The following GPC6 variants were observed in gnomAD, a reference collection of about 807,000 sequenced individuals.
The protein encoded by GPC6 is glypican 6.
A neutral mutation model predicts 55.2 loss-of-function variants in GPC6; 14 were observed. The ratio of observed to expected loss-of-function variants is 0.25; its 90% CI spans 0.17 to 0.40. The LOEUF (loss-of-function observed/expected upper bound fraction) is 0.40, where lower values mean the gene tolerates loss of function less well. Among genes scored for constraint, GPC6 ranks in the 10% least tolerant of loss-of-function variants. GPC6 has a pLI of 1.00. For missense variants in GPC6, 641 were observed against 708.5 expected, an observed-to-expected ratio of 0.90 and a Z score of 1.08; for synonymous variants, 278 against 259.6, an observed-to-expected ratio of 1.07 and a Z score of -0.68.
intron 3 of GPC6, among the ~76,000 whole-genome samples, chr13:93,928,321 G>A (rs1050888770): frequency 3.3e-5 from 5 of 152,164 alleles, no homozygotes; most frequent in Admixed American, 2.0e-4. Flanking sequence ...TTCAACTACA[G>A]TCCATATCTT....
chr13:93,572,083 C>T (rs1190494083), intron 2 of GPC6, among the ~76,000 whole-genome samples: 12 of 152,274 alleles, frequency 7.9e-5, no homozygotes, highest in African/African-American at 2.9e-4. Context: ...CCTCCTTTCA[C>T]TGGCTCACTG....
At chr13:93,886,749 A>ATTTTTTTTTTTTTT (rs34726181) in intron 3 of GPC6, among the ~76,000 whole-genome samples, 5 of 135,334 alleles carry the variant, frequency 3.7e-5, no homozygotes, top group Admixed American at 7.4e-5. Context: ...AGCATCTGTC[A>ATTTTTTTTTTTTTT]TTTTTTTTTT....
At chr13:93,842,777 C>A (rs1362737847) in intron 3 of GPC6, among the ~76,000 whole-genome samples, 1 of 151,828 alleles carries the variant, frequency 6.6e-6, no homozygotes, top group Admixed American at 6.6e-5. Flanking sequence ...AAATAAGTCA[C>A]CAGGATATTT....
chr13:93,630,508 A>T (rs1185837274), intron 2 of GPC6, among the ~76,000 whole-genome samples: 1 of 152,194 alleles, frequency 6.6e-6, no homozygotes, highest in Non-Finnish European at 1.5e-5. Flanking sequence ...CTGGCAATGA[A>T]GTAACTTCCA....
intron 1 of GPC6, among the ~76,000 whole-genome samples, chr13:93,469,463 T>C (rs1019059717): frequency 2.0e-5 from 3 of 152,192 alleles, no homozygotes; most frequent in Non-Finnish European, 4.4e-5. Flanking sequence ...ATTAACAATG[T>C]ATCACAGAAA....
At chr13:93,964,870 G>T (rs999309579) in intron 3 of GPC6, among the ~76,000 whole-genome samples, 3 of 151,862 alleles carry the variant, frequency 2.0e-5, no homozygotes, top group East Asian at 1.9e-4. Flanking sequence ...ATTCTGTTCC[G>T]CTGACTTCTA....
chr13:93,853,098 T>A (rs570632633), intron 3 of GPC6, among the ~76,000 whole-genome samples: 1 of 151,794 alleles, frequency 6.6e-6, no homozygotes, highest in South Asian at 2.1e-4. Flanking sequence ...CTTCTGACAT[T>A]GTCACTAATA....
intron 6 of GPC6, among the ~76,000 whole-genome samples, chr13:94,332,220 A>C (rs1396898934): frequency 6.6e-6 from 1 of 152,098 alleles, no homozygotes; most frequent in African/African-American, 2.4e-5. Context: ...GTTTCTTCCA[A>C]TAAGTGCTTA....
chr13:93,857,707 G>T (rs1033639162), intron 3 of GPC6, among the ~76,000 whole-genome samples: 1 of 151,564 alleles, frequency 6.6e-6, no homozygotes, highest in African/African-American at 2.4e-5. Flanking sequence ...CAGCAAATGC[G>T]TTAAAGCAAA....
intron 1 of GPC6, among the ~76,000 whole-genome samples, chr13:93,338,548 A>G (rs1203243414): frequency 2.0e-5 from 3 of 152,166 alleles, no homozygotes; most frequent in Admixed American, 6.5e-5. Context: ...ATTCATCTGT[A>G]TCTTAGAAGG....
rs575055401 is a variant in GPC6 at position 93,871,115 on chromosome 13, C to T, written c.711+40570C>T. Among the ~76,000 whole-genome samples the T allele has an allele frequency of 3.0e-4, 46 of 151,904 alleles. 1 individual carries two copies. The highest frequency in any genetic ancestry group is 9.4e-4 in the African/African-American group (39 of 41,474). On this transcript the variant is annotated intron_variant, in intron 3 of 8. Transcript: ENST00000377047. Reference sequence around the variant, plus strand: ...AAAATGAGGAAGAGGCAGGGAATAACGGGAGACACAAAGTATAGCCGACAA... The same window carrying T: ...AAAATGAGGAAGAGGCAGGGAATAATGGGAGACACAAAGTATAGCCGACAA...
intron 2 of GPC6, among the ~76,000 whole-genome samples, chr13:93,666,652 G>A (rs1056835456): frequency 6.6e-6 from 1 of 152,116 alleles, no homozygotes; most frequent in African/African-American, 2.4e-5. Context: ...TAAAAACACG[G>A]TGTCTTTTAT....
intron 1 of GPC6, among the ~76,000 whole-genome samples, chr13:93,414,846 A>G (rs758911591): frequency 1.3e-5 from 2 of 152,178 alleles, no homozygotes; most frequent in Non-Finnish European, 2.9e-5. Flanking sequence ...TAGGTGAACT[A>G]AACTTAGTCC....
chr13:94,305,709 G>A (rs531673183), intron 5 of GPC6, among the ~76,000 whole-genome samples: 1 of 152,266 alleles, frequency 6.6e-6, no homozygotes, highest in Admixed American at 6.5e-5. Context: ...TAATGAGTAA[G>A]CAAATTTGCA....
At chr13:93,476,416 T>C (rs1157796627) in intron 1 of GPC6, among the ~76,000 whole-genome samples, 1 of 152,122 alleles carries the variant, frequency 6.6e-6, no homozygotes, top group African/African-American at 2.4e-5. Context: ...TGTCAGTAGC[T>C]TTTTTTATGG....
intron 5 of GPC6, among the ~76,000 whole-genome samples, chr13:94,299,801 A>G (rs1160054674): frequency 6.6e-6 from 1 of 152,234 alleles, no homozygotes; most frequent in Non-Finnish European, 1.5e-5. Context: ...TGGTTACTCC[A>G]CAGCCATTTC....
intron 2 of GPC6, among the ~76,000 whole-genome samples, chr13:93,618,931 C>G (rs1202661048): frequency 1.3e-5 from 2 of 152,096 alleles, no homozygotes; most frequent in Non-Finnish European, 2.9e-5. Flanking sequence ...ATGGTATAGC[C>G]TACTCCAAAC....
At chr13:93,584,651 G>A (rs1330409019) in intron 2 of GPC6, among the ~76,000 whole-genome samples, 1 of 145,830 alleles carries the variant, frequency 6.9e-6, no homozygotes, top group East Asian at 2.1e-4. Context: ...TTATTCTAAA[G>A]TATAATGCAC....
chr13:93,644,391 G>T (rs185277330), intron 2 of GPC6, among the ~76,000 whole-genome samples: 9 of 152,128 alleles, frequency 5.9e-5, no homozygotes, highest in Admixed American at 5.2e-4. Flanking sequence ...GTACATCTTT[G>T]TCCTGGAATC....
Sources: gnomAD v4.1 joint callset for allele counts (sites outside exome capture counted in the v4.1 genomes callset) on GRCh38, gnomAD v4.1.1 for gene constraint, MANE v1.5 for transcripts, NCBI Gene and HGNC (gene_info 2026-07-23, HGNC 2026-07-21) for gene names.